SPMAP2L: variants seen among roughly 807,000 people sequenced by gnomAD.
SPMAP2L encodes the protein sperm microtubule associated protein 2 like.
At chr4:56,579,652 C>T in the SPMAP2L span, among the ~76,000 whole-genome samples, 2 of 152,016 alleles carry the variant, frequency 1.3e-5, no homozygotes, top group South Asian at 2.1e-4. Flanking sequence ...TGTCTGTGGT[C>T]CCAGATACTC....
chr4:56,589,891 C>T, the SPMAP2L span, among the ~76,000 whole-genome samples: 6 of 152,006 alleles, frequency 3.9e-5, no homozygotes, highest in Non-Finnish European at 8.8e-5. Context: ...TTGCCAAATT[C>T]TTTTAGTAGT....
the SPMAP2L span, among the ~76,000 whole-genome samples, chr4:56,615,963 G>T: frequency 6.6e-6 from 1 of 152,078 alleles, no homozygotes; most frequent in Admixed American, 6.6e-5. Flanking sequence ...ATCACTCAAA[G>T]GACTTGTTAA....
chr4:56,570,659 A>G, the SPMAP2L span, among the ~76,000 whole-genome samples: 2 of 152,204 alleles, frequency 1.3e-5, no homozygotes, highest in Non-Finnish European at 2.9e-5. Context: ...GTGAGTGAAC[A>G]TGAAGGCCCA....
At chr4:56,601,571 C>T in the SPMAP2L span, among the ~76,000 whole-genome samples, 1 of 152,110 alleles carries the variant, frequency 6.6e-6, no homozygotes, top group South Asian at 2.1e-4. Flanking sequence ...TCAGCCTAGG[C>T]AACAAAGTGA....
chr4:56,612,924 G>A, the SPMAP2L span, among the ~76,000 whole-genome samples: 5 of 152,220 alleles, frequency 3.3e-5, no homozygotes, highest in East Asian at 1.9e-4. Flanking sequence ...AATTTCCCAG[G>A]CATTTTGAAG....
chr4:56,626,092 G>A, the SPMAP2L span, among the ~76,000 whole-genome samples: 1 of 152,238 alleles, frequency 6.6e-6, no homozygotes, highest in Non-Finnish European at 1.5e-5. Context: ...TCAGCTGAGA[G>A]GAAACTGAAG....
the SPMAP2L span, among the ~76,000 whole-genome samples, chr4:56,541,138 T>A: frequency 6.6e-6 from 1 of 152,244 alleles, no homozygotes; most frequent in Non-Finnish European, 1.5e-5. Context: ...TGAGAGTCTA[T>A]ATTTTAATAT....
the SPMAP2L span, among the ~76,000 whole-genome samples, chr4:56,590,962 T>A: frequency 1.3e-5 from 2 of 152,196 alleles, no homozygotes; most frequent in Non-Finnish European, 2.9e-5. Context: ...TAAACTTAAA[T>A]AAATTAATGA....
At chr4:56,584,587 C>T in the SPMAP2L span, 14 of 1,535,066 alleles carry the variant, frequency 9.1e-6, no homozygotes, top group African/African-American at 1.4e-5. Context: ...AAGGCACAGA[C>T]CCAAACTATC....
At chr4:56,600,327 C>G in the SPMAP2L span, among the ~76,000 whole-genome samples, 20 of 152,016 alleles carry the variant, frequency 1.3e-4, no homozygotes, top group African/African-American at 4.4e-4. Context: ...CAGAGTCTCA[C>G]TCTGTTGCCA....
chr4:56,584,383 C>G, the SPMAP2L span: 1 of 672,438 alleles, frequency 1.5e-6, no homozygotes. Flanking sequence ...ATAGATGTTC[C>G]TAAGATAGAA....
chr4:56,584,641 C>A, the SPMAP2L span: 1 of 1,421,078 alleles, frequency 7.0e-7, no homozygotes, highest in Non-Finnish European at 9.6e-7. Context: ...AGAAACAGTT[C>A]CTGATTGACT....
the SPMAP2L span, among the ~76,000 whole-genome samples, chr4:56,566,003 ATT>A: frequency 6.6e-6 from 1 of 152,128 alleles, no homozygotes; most frequent in Non-Finnish European, 1.5e-5. Context: ...TTAAAAGTAC[ATT>A]TGTTATAGGC....
At chr4:56,538,493 G>T in the SPMAP2L span, among the ~76,000 whole-genome samples, 1 of 152,162 alleles carries the variant, frequency 6.6e-6, no homozygotes, top group Admixed American at 6.5e-5. Context: ...TCTCTAAAAA[G>T]TTTTCAGACT....
the SPMAP2L span, among the ~76,000 whole-genome samples, chr4:56,566,695 C>CTTTTTTTTTTTTTTTTTTTTTTTT: frequency 2.2e-5 from 2 of 92,446 alleles, no homozygotes; most frequent in Non-Finnish European, 4.1e-5. Flanking sequence ...TTTTCTTTTT[C>CTTTTTTTTTTTTTTTTTTTTTTTT]TTTTTTTTTT....
At chr4:56,562,951 T>C in the SPMAP2L span, among the ~76,000 whole-genome samples, 43 of 152,112 alleles carry the variant, frequency 2.8e-4, no homozygotes, top group Admixed American at 3.9e-4. Flanking sequence ...GTTAGAGATA[T>C]AGTATATTTC....
At chr4:56,596,202 T>C in the SPMAP2L span, among the ~76,000 whole-genome samples, 1 of 152,252 alleles carries the variant, frequency 6.6e-6, no homozygotes, top group Non-Finnish European at 1.5e-5. Context: ...TTTTCCTCTT[T>C]TTCTGTGTGA....
the SPMAP2L span, among the ~76,000 whole-genome samples, chr4:56,621,209 T>C: frequency 3.6e-3 from 548 of 152,248 alleles, 4 homozygotes; most frequent in Non-Finnish European, 5.7e-3. Flanking sequence ...TAGGAAAAAT[T>C]AAAAATAGTG....
chr4:56,564,004 G>GT, the SPMAP2L span, among the ~76,000 whole-genome samples: 2 of 151,986 alleles, frequency 1.3e-5, no homozygotes, highest in Non-Finnish European at 2.9e-5. Flanking sequence ...TGGTGAGAAG[G>GT]TTTTTTAACT....
Sources: gnomAD v4.1 joint callset for allele counts (sites outside exome capture counted in the v4.1 genomes callset) on GRCh38, gnomAD v4.1.1 for gene constraint, MANE v1.5 for transcripts, NCBI Gene and HGNC (gene_info 2026-07-23, HGNC 2026-07-21) for gene names.